Variants in IRAK3 observed in about 807,000 individuals in gnomAD.
The protein encoded by IRAK3 is interleukin 1 receptor associated kinase 3.
Under a neutral mutation model 56.6 loss-of-function variants are expected in IRAK3, and 57 were observed. The observed-to-expected ratio is 1.01, with a 90% CI of 0.81 to 1.26. The LOEUF (loss-of-function observed/expected upper bound fraction) is 1.26, where lower values mean the gene tolerates loss of function less well. IRAK3 is among the 50% of genes most tolerant of loss of function. The pLI, the probability that IRAK3 is intolerant of heterozygous loss-of-function variation, is 0.00. For missense variants in IRAK3, 703 were observed against 719.0 expected, an observed-to-expected ratio of 0.98 and a Z score of 0.25; for synonymous variants, 258 against 255.7, an observed-to-expected ratio of 1.01 and a Z score of -0.09.
rs781542556 is a variant in IRAK3, at chr12:66,226,719, C to T, written c.654-4C>T. 3.2e-6 allele frequency: 5 copies of T among 1,539,814 alleles called. No homozygotes were observed. In the South Asian group the frequency reaches 5.6e-5, roughly 17 times the overall value. On this transcript the variant is annotated splice_region_variant and splice_polypyrimidine_tract_variant and intron_variant, in intron 6 of 11. Coordinates refer to ENST00000261233, the MANE Select transcript of IRAK3 (RefSeq NM_007199.3). ...GATGGCTTTAAAACATCTTTTGTTT[C>T]AAGGTTTCATCACCCAAACATACTA... is the stretch of plus-strand genomic sequence containing the variant.
chr12:66,223,824 C>T (rs1315164429), intron 6 of IRAK3, among the ~76,000 whole-genome samples: 5 of 151,014 alleles, frequency 3.3e-5, no homozygotes, highest in African/African-American at 1.2e-4. Context: ...CGCCATTCTT[C>T]TGCCTCAGCC....
At chr12:66,211,931 T>C (rs1039947626) in intron 5 of IRAK3, among the ~76,000 whole-genome samples, 2 of 151,948 alleles carry the variant, frequency 1.3e-5, no homozygotes, top group Non-Finnish European at 2.9e-5. Flanking sequence ...ATCAACAGGG[T>C]GAAACCCTGT....
At chr12:66,218,720 C>G (rs187494177) in intron 6 of IRAK3, among the ~76,000 whole-genome samples, 4 of 152,188 alleles carry the variant, frequency 2.6e-5, no homozygotes, top group Admixed American at 6.5e-5. Context: ...TAAAGATCAC[C>G]ACAATCAAAT....
At chr12:66,229,431 C>T (rs58492562) in intron 8 of IRAK3, among the ~76,000 whole-genome samples, 2,455 of 152,278 alleles carry the variant, frequency 0.016, 76 homozygotes, top group African/African-American at 0.056. Context: ...GCTGCTGCTT[C>T]TGAACCATTT....
chr12:66,233,798 TG>T (rs1162516483), intron 8 of IRAK3, among the ~76,000 whole-genome samples: 1 of 144,146 alleles, frequency 6.9e-6, no homozygotes, highest in Non-Finnish European at 1.5e-5. Context: ...TTTTTTTTTT[TG>T]CATCATAACA....
intron 1 of IRAK3, 26 bp from the exon 2 acceptor site, chr12:66,203,685 C>A: frequency 1.2e-6 from 2 of 1,600,438 alleles, no homozygotes; most frequent in Admixed American, 1.7e-5. Flanking sequence ...GTAAACAATT[C>A]TTTGTTTATA....
chr12:66,192,017 A>G (rs1245437221), intron 1 of IRAK3, among the ~76,000 whole-genome samples: 1 of 152,168 alleles, frequency 6.6e-6, no homozygotes, highest in Non-Finnish European at 1.5e-5. Flanking sequence ...CAAATCACCT[A>G]TGCAGTCTTT....
intron 1 of IRAK3, among the ~76,000 whole-genome samples, chr12:66,198,890 GACTATAGGTGCA>G: frequency 6.6e-6 from 1 of 151,730 alleles, no homozygotes; most frequent in Non-Finnish European, 1.5e-5. Flanking sequence ...GAGTAGTTAG[GACTATAGGTGCA>G]TGCACACCAC....
Position 66,217,226 on chromosome 12 carries a change from T to TTTTAG in IRAK3, c.648_649insGTTTA (p.Leu217ValfsTer11). ...AAGAGGTTTTTATCTGAGCTTGAAG[T>TTTTAG]TTTACTACTGTGAGTATGTTTTCTC... On this transcript the variant is annotated frameshift_variant, in exon 6 of 12. Coordinates refer to ENST00000261233, the MANE Select transcript of IRAK3 (RefSeq NM_007199.3). LOFTEE classifies it high-confidence loss of function. 6.2e-7 allele frequency: 1 copy of TTTTAG among 1,607,904 alleles called. No individual in the cohort carries two copies. The highest frequency in any genetic ancestry group is 8.5e-7 in the Non-Finnish European group (1 of 1,174,412).
At chr12:66,197,977 G>T (rs922674578) in intron 1 of IRAK3, 44 of 985,142 alleles carry the variant, frequency 4.5e-5, no homozygotes, top group Non-Finnish European at 4.7e-5. Flanking sequence ...GACATTCCCT[G>T]GGACTTGAAA....
intron 11 of IRAK3, among the ~76,000 whole-genome samples, chr12:66,247,008 G>A (rs906396590): frequency 2.0e-5 from 3 of 152,112 alleles, no homozygotes; most frequent in African/African-American, 2.4e-5. Context: ...CCTGGCTCAC[G>A]ACTGTAATCC....
intron 2 of IRAK3, 71 bp from the exon 3 acceptor site, chr12:66,209,383 CAG>C (rs1157570572): frequency 1.2e-6 from 1 of 832,940 alleles, no homozygotes; most frequent in African/African-American, 1.7e-5. Context: ...CATTTATTTT[CAG>C]AGTCTCAGAA....
intron 1 of IRAK3, chr12:66,196,941 T>C (rs919395640): frequency 9.8e-6 from 15 of 1,535,500 alleles, no homozygotes; most frequent in South Asian, 1.2e-5. Flanking sequence ...GGCATGTGGT[T>C]GTATGCAAAT....
chr12:66,244,734 T>C (rs1253819647), intron 9 of IRAK3, 50 bp downstream of exon 9: 1 of 1,489,758 alleles, frequency 6.7e-7, no homozygotes, highest in African/African-American at 1.4e-5. Flanking sequence ...CCAAGAATGT[T>C]CTAGATTCTA....
intron 5 of IRAK3, among the ~76,000 whole-genome samples, chr12:66,212,567 C>A (rs1045473345): frequency 6.6e-6 from 1 of 152,098 alleles, no homozygotes; most frequent in African/African-American, 2.4e-5. Flanking sequence ...GTTCTGTCCT[C>A]AAGGAGCTCA....
At position 66,226,806 on chromosome 12, in the gene IRAK3, A is replaced by G; in HGVS notation, c.737A>G (p.Asn246Ser). 1 of 1,602,492 alleles carries G rather than the reference A, an allele frequency of 6.2e-7. No homozygotes were observed. Among genetic ancestry groups the G allele is most frequent in the Non-Finnish European group, 8.6e-7 (1 of 1,169,402 alleles). ...TGTCTGATTTATCCATACATGAGAA[A>G]TGGAACACTTTTTGACAGATTGCAG... is the stretch of plus-strand genomic sequence containing the variant. ...KFCLIYPYMR[N>S]GTLFDRLQCV... The change falls in exon 7 of 12, where the codon AAT becomes AGT. Residue 246 changes from asparagine (N) to serine (S), a missense_variant. Coordinates refer to ENST00000261233, the MANE Select transcript of IRAK3 (RefSeq NM_007199.3).
chr12:66,247,496 T>C (rs545663724), intron 11 of IRAK3, among the ~76,000 whole-genome samples, 199 bp from the exon 12 acceptor site: 16 of 152,348 alleles, frequency 1.1e-4, no homozygotes, highest in African/African-American at 3.6e-4. Context: ...GTTTCTTTTA[T>C]ACCTGGTTTT....
chr12:66,196,925 G>A, intron 1 of IRAK3: 2 of 1,534,434 alleles, frequency 1.3e-6, no homozygotes, highest in South Asian at 2.4e-5. Flanking sequence ...ATTTTGCAGG[G>A]GTTTTGGCAT....
At position 66,210,203 on chromosome 12, in the gene IRAK3, T is replaced by C. The variant is rs1349407504; in HGVS notation, c.436+2T>C. On this transcript the variant is annotated splice_donor_variant, in intron 4 of 11. Transcript: ENST00000261233. LOFTEE classifies it high-confidence loss of function. Reference sequence around the variant, plus strand: ...TTATTCCTGAACATAATGAAAAAGGTATGAAAAAACCAGTTTTTTTCCAAC... The same window carrying C: ...TTATTCCTGAACATAATGAAAAAGGCATGAAAAAACCAGTTTTTTTCCAAC... The C allele has an allele frequency of 6.3e-7, 1 of 1,596,028 alleles. No homozygotes were observed. Among genetic ancestry groups the C allele is most frequent in the Non-Finnish European group, 8.6e-7 (1 of 1,164,508 alleles).
Sources: gnomAD v4.1 joint callset for allele counts (sites outside exome capture counted in the v4.1 genomes callset) on GRCh38, gnomAD v4.1.1 for gene constraint, MANE v1.5 for transcripts, NCBI Gene and HGNC (gene_info 2026-07-23, HGNC 2026-07-21) for gene names.